The following SLC6A16 variants were observed in gnomAD, a reference collection of about 807,000 sequenced individuals.
SLC6A16 encodes orphan sodium- and chloride-dependent neurotransmitter transporter NTT5.
In SLC6A16, 54 loss-of-function variants were observed where a neutral mutation model predicts 65.4. The ratio of observed to expected loss-of-function variants is 0.83; its 90% confidence interval spans 0.66 to 1.04. The LOEUF (loss-of-function observed/expected upper bound fraction) is 1.04. Among genes scored for constraint, SLC6A16 ranks in the 50% least tolerant of loss-of-function variants. The pLI is 0.00. For missense variants in SLC6A16, 816 were observed against 914.0 expected (o/e 0.89, Z 1.38); for synonymous variants, 330 against 346.5 (o/e 0.95, Z 0.53).
Position 49,320,209 on chromosome 19 carries a change from G to A in SLC6A16, c.-65+4839C>T, listed in dbSNP as rs533589731. On this transcript the variant is annotated intron_variant, in intron 1 of 11. Transcript: ENST00000335875. ...GGATCATTTGAGGTCAGGAGTTCAA[G>A]ACCAGCTTGACCTACATAGTGAAAC... 2.8e-4 allele frequency among the ~76,000 whole-genome samples: 43 copies of A among 152,236 alleles called. No individual in the cohort carries two copies. The East Asian group carries it at 7.3e-3, about 26-fold the overall frequency.
upstream of SLC6A16, among the ~76,000 whole-genome samples, chr19:49,329,100 G>GT (rs896360648): frequency 5.3e-4 from 79 of 149,344 alleles, no homozygotes; most frequent in East Asian, 4.1e-3. Context: ...TGTTTATTGT[G>GT]TTTTTTTTTT....
chr19:49,290,371 A>G lies in SLC6A16; in HGVS notation c.1963T>C (p.Tyr655His). 1 of 1,613,664 alleles carries G rather than the reference A, an allele frequency of 6.2e-7. No individual in the cohort carries two copies. The highest frequency in any genetic ancestry group is 8.5e-7 in the Non-Finnish European group (1 of 1,179,756). The change falls in exon 12 of 12, where the codon TAC (tyrosine) becomes CAC (histidine). Residue 655 changes from tyrosine to histidine, a missense_variant. By Grantham distance (83) the Tyr-to-His change is moderately conservative. Transcript: ENST00000335875. The stretch of plus-strand genomic sequence containing the variant: ...ATCAAGAGCAGTGCCCACGGTGGGT[A>G]TGGTCGAAGCACCTCTTTTGACTGT... Reference protein sequence around the residue: ...SSTSKEVLRPYPPWALLLMIT... With the variant: ...SSTSKEVLRPHPPWALLLMIT...
rs760598577 is a variant in SLC6A16, at chr19:49,309,050, A to C, written c.1055T>G (p.Ile352Arg). The change falls in exon 7 of 12, where the codon ATA (isoleucine) becomes AGA (arginine). Residue 352 changes from isoleucine to arginine, a missense_variant. Physicochemically the swap from Ile to Arg is moderately conservative, Grantham distance 97. Coordinates refer to ENST00000335875, the MANE Select transcript of SLC6A16 (RefSeq NM_014037.3). ...AGGQVLSNTG[I>R]GLGSVASLAS... is the part of the protein sequence containing the mutation. Reference sequence around the variant, plus strand: ...TAAGGAGGCAACGGAGCCAAGGCCTATGCCTGTGTTAGACAAAACTTGACC... The same window carrying C: ...TAAGGAGGCAACGGAGCCAAGGCCTCTGCCTGTGTTAGACAAAACTTGACC... 3 of 1,614,222 alleles carry C rather than the reference A, an allele frequency of 1.9e-6. No individual in the cohort carries two copies. The East Asian group carries it at 6.7e-5, about 36-fold the overall frequency.
Position 49,294,619 on chromosome 19 carries a change from T to C in SLC6A16, c.1230-66A>G, listed in dbSNP as rs113810317. ...AGTAGGAGATAGTCTCCTTTTCCCT[T>C]ATCTTCAAGATAAAAAAGGCTATCA... is the stretch of plus-strand genomic sequence containing the variant. On this transcript the variant is annotated intron_variant, in intron 7 of 11. Coordinates refer to ENST00000335875, the MANE Select transcript of SLC6A16 (RefSeq NM_014037.3). 3.0e-5 allele frequency: 40 copies of C among 1,347,730 alleles called. No homozygotes were observed. In the African/African-American group the frequency reaches 5.8e-4, roughly 20 times the overall value. The allele number at this position is 1,347,730 out of a possible 1,614,324, so 83.5% of individuals were successfully genotyped here.
Position 49,294,540 on chromosome 19 carries a change from G to C in SLC6A16, c.1243C>G (p.Leu415Val). 1 of 1,608,372 alleles carries C rather than the reference G, an allele frequency of 6.2e-7. No individual in the cohort carries two copies. The highest frequency in any genetic ancestry group is 1.3e-5 in the African/African-American group (1 of 74,768). Residue 415 changes from leucine (L) to valine (V), a missense_variant, in exon 8 of 12, where the codon CTT (leucine) becomes GTT (valine). Leu to Val is a conservative substitution (Grantham distance 32, BLOSUM62 1). Transcript: ENST00000335875. ...TTCCCTAGGTTTATCAGCTTTAAAA[G>C]TATTTCAGCATTCCTGGGGATAGAG... ...HRCCERNAEI[L>V]LKLINLGKLP...
intron 7 of SLC6A16, among the ~76,000 whole-genome samples, chr19:49,295,419 A>C (rs1970168181): frequency 6.6e-6 from 1 of 152,176 alleles, no homozygotes; most frequent in Admixed American, 6.5e-5. Flanking sequence ...TAAGAACTGC[A>C]ATGGACAGCT....
Position 49,290,625 on chromosome 19 carries a change from T to C in SLC6A16, c.1921A>G (p.Met641Val), listed in dbSNP as rs751975437. 3.8e-5 allele frequency: 62 copies of C among 1,613,982 alleles called. No individual in the cohort carries two copies. The highest frequency in any genetic ancestry group is 5.2e-5 in the Non-Finnish European group (61 of 1,180,024). The change falls in exon 11 of 12, where the codon ATG becomes GTG. Residue 641 changes from methionine (M) to valine (V), a missense_variant. Coordinates refer to ENST00000335875, the MANE Select transcript of SLC6A16 (RefSeq NM_014037.3). ...VHLCMKPITY[M>V]SWDSSTSKEV... is the part of the protein sequence containing the mutation. The stretch of plus-strand genomic sequence containing the variant: ...CTCACGGTGCTTGAGTCCCAGGACA[T>C]GTAGGTGATCGGCTTCATACAAAGA...
the SLC6A16 span, chr19:49,337,103 G>C: frequency 6.2e-7 from 1 of 1,614,042 alleles, no homozygotes; most frequent in Non-Finnish European, 8.5e-7. Flanking sequence ...CCTGGGCCGG[G>C]GTTGCAGGGG....
the SLC6A16 span, chr19:49,336,680 GGAA>G: frequency 5.9e-6 from 3 of 509,956 alleles, no homozygotes; most frequent in Non-Finnish European, 1.1e-5. Flanking sequence ...AGCTGAAGGA[GGAA>G]GGAGAGGGTA....
intron 7 of SLC6A16, among the ~76,000 whole-genome samples, chr19:49,298,753 C>T (rs1970229198): frequency 6.6e-6 from 1 of 152,164 alleles, no homozygotes. Flanking sequence ...GATACATGTA[C>T]TCATATGTTT....
intron 1 of SLC6A16, among the ~76,000 whole-genome samples, chr19:49,324,557 T>C (rs760204903): frequency 3.7e-4 from 57 of 152,144 alleles, no homozygotes; most frequent in South Asian, 1.7e-3. Context: ...CCTAGGCTCA[T>C]GCCCTGTGGG....
upstream of SLC6A16, among the ~76,000 whole-genome samples, chr19:49,326,149 A>G (rs188392753): frequency 7.9e-4 from 120 of 152,026 alleles, 1 homozygote; most frequent in African/African-American, 2.8e-3. Context: ...CAGCCTAGAC[A>G]ACAGAGCAAG....
the SLC6A16 span, among the ~76,000 whole-genome samples, chr19:49,339,156 G>A: frequency 1.3e-5 from 2 of 152,086 alleles, no homozygotes; most frequent in African/African-American, 4.8e-5. This position sits in a 1 kb window ranked among gnomAD's most constrained non-coding sequence, Gnocchi z 4.5. Context: ...CTAGGGAGGG[G>A]CCAGGCTTGG....
the SLC6A16 span, chr19:49,339,737 G>GGGATTCGAGCCCCGGGCCCAGC: frequency 7.2e-7 from 1 of 1,398,192 alleles, no homozygotes; most frequent in Non-Finnish European, 9.3e-7. This position sits in a 1 kb window ranked among gnomAD's most constrained non-coding sequence, Gnocchi z 4.5. Context: ...CCGGGCGCTG[G>GGGATTCGAGCCCCGGGCCCAGC]GGATTCGAGC....
At chr19:49,339,379 T>C in the SLC6A16 span, 9 of 1,613,846 alleles carry the variant, frequency 5.6e-6, no homozygotes, top group South Asian at 4.4e-5. This position sits in a 1 kb window ranked among gnomAD's most constrained non-coding sequence, Gnocchi z 4.5. Context: ...CTTATTTCCA[T>C]AGTGGGCATT....
intron 7 of SLC6A16, among the ~76,000 whole-genome samples, chr19:49,305,255 A>G (rs1336249128): frequency 1.3e-5 from 2 of 152,200 alleles, no homozygotes; most frequent in Non-Finnish European, 2.9e-5. Context: ...TGGCCAGCCA[A>G]CTGACTACAA....
intron 7 of SLC6A16, among the ~76,000 whole-genome samples, chr19:49,303,900 T>A (rs1367187107): frequency 1.3e-5 from 2 of 152,362 alleles, no homozygotes; most frequent in Admixed American, 1.3e-4. Flanking sequence ...TTTGAGATGA[T>A]AACAAAAGAC....
At chr19:49,325,324 G>T, upstream of SLC6A16, 1 of 787,100 alleles carries the variant, frequency 1.3e-6, no homozygotes, top group Non-Finnish European at 1.5e-6. Flanking sequence ...CCACACGCAC[G>T]CACGTGTGCA....
intron 7 of SLC6A16, 59 bp from the exon 8 acceptor site, chr19:49,294,612 T>A: frequency 7.2e-7 from 1 of 1,384,160 alleles, no homozygotes; most frequent in Non-Finnish European, 9.8e-7. Flanking sequence ...ATAGTCTCCT[T>A]TTCCCTTATC....
Sources: allele counts gnomAD v4.1 joint callset (sites outside exome capture counted in the v4.1 genomes callset), GRCh38; gene constraint gnomAD v4.1.1; non-coding constraint Gnocchi (gnomAD v3.1); transcripts MANE v1.5; gene names NCBI Gene and HGNC (gene_info 2026-07-23, HGNC 2026-07-21).